Variants in MAOA observed in about 807,000 individuals in gnomAD.
The protein encoded by MAOA is amine oxidase [flavin-containing] A.
In MAOA, 6 loss-of-function variants were observed where a neutral mutation model predicts 42.0. That is an observed-to-expected ratio of 0.14 (90% CI 0.08 to 0.28). MAOA has a LOEUF of 0.28. MAOA is among the 10% of genes least tolerant of loss of function. The pLI is 1.00. For synonymous variants in MAOA, 140 were observed against 154.0 expected (o/e 0.91, Z 0.67); for missense variants, 262 against 422.3 (o/e 0.62, Z 3.33).
At chrX:43,663,555 C>T (rs890219947) in intron 1 of MAOA, among the ~76,000 whole-genome samples, 1 of 111,344 alleles carries the variant, frequency 9.0e-6, no homozygotes, top group African/African-American at 3.3e-5. Context: ...TTTAACTTGT[C>T]CTTGGATGCG....
chrX:43,731,334 G>A lies in MAOA; in HGVS notation c.739G>A (p.Val247Ile), dbSNP rs777420059. 2.8e-5 allele frequency: 34 copies of A among 1,207,466 alleles called. No homozygotes were observed. In the East Asian group the frequency reaches 4.4e-4, roughly 16 times the overall value. The change falls in exon 7 of 15, where the codon GTT becomes ATT. Residue 247 changes from valine to isoleucine, a missense_variant. Coordinates refer to ENST00000338702, the MANE Select transcript of MAOA (RefSeq NM_000240.4). ...GAAGCTGAACCATCCTGTCACTCAC[G>A]TTGACCAGTCAAGTGACAACATCAT... ...QVKLNHPVTH[V>I]DQSSDNIIIE...
At chrX:43,682,260 G>A (rs1201060504) in intron 1 of MAOA, among the ~76,000 whole-genome samples, 5 of 111,337 alleles carry the variant, frequency 4.5e-5, no homozygotes, top group Non-Finnish European at 9.4e-5. Flanking sequence ...CCAGATCTTG[G>A]TTTCTAATAC....
intron 1 of MAOA, among the ~76,000 whole-genome samples, chrX:43,673,403 T>C (rs1484782086): frequency 9.1e-6 from 1 of 110,326 alleles, no homozygotes; most frequent in Non-Finnish European, 1.9e-5. Context: ...CCTGGATTCG[T>C]TAATTTTTTG....
At chrX:43,698,329 C>T (rs1393164777) in intron 3 of MAOA, among the ~76,000 whole-genome samples, 1 of 111,775 alleles carries the variant, frequency 8.9e-6, no homozygotes, top group African/African-American at 3.3e-5. Flanking sequence ...GTTTACAGTG[C>T]AAGTTTTAGC....
At chrX:43,670,695 G>T (rs1338764505) in intron 1 of MAOA, among the ~76,000 whole-genome samples, 5 of 102,616 alleles carry the variant, frequency 4.9e-5, no homozygotes, top group Non-Finnish European at 9.8e-5. Context: ...AGAACATGCG[G>T]TGTTTGGTTT....
intron 13 of MAOA, 62 bp from the exon 14 acceptor site, chrX:43,744,047 G>A (rs769088112): frequency 1.7e-6 from 2 of 1,192,638 alleles, no homozygotes; most frequent in Admixed American, 2.2e-5. Context: ...TGGCTAGCAG[G>A]GCCTTGAATC....
intron 1 of MAOA, among the ~76,000 whole-genome samples, chrX:43,680,573 C>T (rs747100369): frequency 1.8e-5 from 2 of 110,574 alleles, no homozygotes; most frequent in Admixed American, 9.7e-5. Flanking sequence ...ATTCCCTCTC[C>T]TTTCTTCATT....
intron 1 of MAOA, among the ~76,000 whole-genome samples, chrX:43,658,294 T>G (rs1027883277): frequency 5.4e-4 from 60 of 111,540 alleles, no homozygotes; most frequent in Non-Finnish European, 2.6e-4. Flanking sequence ...AGGAGCGCGG[T>G]TTTTTTATTT....
At chrX:43,743,927 C>G (rs1198774390) in intron 13 of MAOA, 22 bp downstream of exon 13, 3 of 1,168,476 alleles carry the variant, frequency 2.6e-6, no homozygotes, top group Admixed American at 5.1e-5. Flanking sequence ...AGCCCAGGCT[C>G]TCTCCCTCCC....
intron 1 of MAOA, among the ~76,000 whole-genome samples, chrX:43,665,509 AT>A (rs1261691821): frequency 1.8e-5 from 2 of 111,372 alleles, no homozygotes; most frequent in Non-Finnish European, 3.8e-5. Context: ...TTAAGTTTCA[AT>A]GAAAGATTGG....
chrX:43,673,552 G>A (rs1278094039), intron 1 of MAOA, among the ~76,000 whole-genome samples: 2 of 107,936 alleles, frequency 1.9e-5, no homozygotes, highest in South Asian at 4.1e-4. Flanking sequence ...TGTCAATTTT[G>A]GATCTTTCCT....
At chrX:43,683,957 GACAC>G (rs58791067) in intron 2 of MAOA, among the ~76,000 whole-genome samples, 9 of 103,717 alleles carry the variant, frequency 8.7e-5, no homozygotes, top group Admixed American at 4.2e-4. Flanking sequence ...AATACACACA[GACAC>G]ACACACACAC....
chrX:43,683,089 A>G (rs1451187251), intron 1 of MAOA, among the ~76,000 whole-genome samples: 2 of 111,786 alleles, frequency 1.8e-5, no homozygotes, highest in Non-Finnish European at 3.8e-5. Context: ...TGAGAAAAGC[A>G]AAGCATAGCT....
chrX:43,672,949 C>T (rs1029587347), intron 1 of MAOA, among the ~76,000 whole-genome samples: 7 of 111,428 alleles, frequency 6.3e-5, no homozygotes, highest in Non-Finnish European at 1.3e-4. Context: ...TGATACGGGC[C>T]TCATAAAATG....
chrX:43,683,499 T>G lies in MAOA; in HGVS notation c.74-14T>G. 1 of 1,187,639 alleles carries G rather than the reference T, an allele frequency of 8.4e-7. No homozygotes were observed. Among genetic ancestry groups the G allele is most frequent in the Non-Finnish European group, 1.1e-6 (1 of 873,419 alleles). On this transcript the variant is annotated splice_polypyrimidine_tract_variant and intron_variant, in intron 1 of 14. Coordinates refer to ENST00000338702, the MANE Select transcript of MAOA (RefSeq NM_000240.4). ...ATTTGAATGTTACGTTGCTCTTTTT[T>G]GTTTTTCCTTTAGGACTATCTGCTG...
intron 1 of MAOA, among the ~76,000 whole-genome samples, chrX:43,675,544 G>T (rs1294373923): frequency 8.9e-6 from 1 of 112,160 alleles, no homozygotes; most frequent in Non-Finnish European, 1.9e-5. Flanking sequence ...CAGTTTTTCT[G>T]TTCTGTTATT....
chrX:43,707,094 C>G (rs908866784), intron 3 of MAOA, among the ~76,000 whole-genome samples: 1 of 111,224 alleles, frequency 9.0e-6, no homozygotes, highest in Non-Finnish European at 1.9e-5. Flanking sequence ...AAGACTGTGC[C>G]AATATAATAA....
intron 10 of MAOA, among the ~76,000 whole-genome samples, chrX:43,737,576 T>A (rs745935879): frequency 9.0e-6 from 1 of 111,227 alleles, no homozygotes; most frequent in Non-Finnish European, 1.9e-5. Flanking sequence ...ATGAAGGTGG[T>A]ATCCTCACTT....
intron 3 of MAOA, among the ~76,000 whole-genome samples, chrX:43,706,679 G>A (rs1869885156): frequency 9.3e-6 from 1 of 107,651 alleles, no homozygotes; most frequent in South Asian, 3.8e-4. Flanking sequence ...CATGCATAGT[G>A]GCACACACCT....
Sources: allele counts gnomAD v4.1 joint callset (sites outside exome capture counted in the v4.1 genomes callset), GRCh38; gene constraint gnomAD v4.1.1; transcripts MANE v1.5; gene names NCBI Gene and HGNC (gene_info 2026-07-23, HGNC 2026-07-21).